CDC20B: variants seen among roughly 807,000 people sequenced by gnomAD.
CDC20B encodes cell division cycle 20B.
Under a neutral mutation model 64.1 loss-of-function variants are expected in CDC20B, and 58 were observed. The ratio of observed to expected loss-of-function variants is 0.90; its 90% CI spans 0.73 to 1.13. The LOEUF (loss-of-function observed/expected upper bound fraction) is 1.13. Among genes scored for constraint, CDC20B ranks in the 50% most tolerant of loss-of-function variants. The pLI is 0.00. For synonymous variants in CDC20B, 243 were observed against 230.6 expected (o/e 1.05, Z -0.49); for missense variants, 597 against 633.0 (o/e 0.94, Z 0.61).
Position 55,128,455 on chromosome 5 carries a change from C to A in CDC20B, c.860G>T (p.Cys287Phe). ...SSVSWIKEGTCLAVGTSEGEV... is the reference protein window; with the variant it reads ...SSVSWIKEGTFLAVGTSEGEV... ...TCCCTCGCTGGTGCCAACTGCCAGG[C>A]AAGTTCCCTCTTTTATCCAGGACAC... The change falls in exon 7 of 12, where the codon TGC becomes TTC. Residue 287 changes from cysteine to phenylalanine, a missense_variant. Cys to Phe is a radical substitution (Grantham distance 205). This residue lies in a region of CDC20B where 353 missense variants were observed against 397.0 expected (regional missense o/e 0.89). Transcript: ENST00000381375. 1 of 1,605,108 alleles carries A rather than the reference C, an allele frequency of 6.2e-7. No individual in the cohort carries two copies. Among genetic ancestry groups the A allele is most frequent in the South Asian group, 1.1e-5 (1 of 88,530 alleles).
In CDC20B at chr5:55,125,197, T is replaced by G. The variant is rs145120281; in HGVS notation, c.990-169A>C. 2.6e-3 allele frequency among the ~76,000 whole-genome samples: 397 copies of G among 152,336 alleles called. 2 individuals carry two copies. Among genetic ancestry groups the G allele is most frequent in the African/African-American group, 8.9e-3 (371 of 41,578 alleles). On this transcript the variant is annotated intron_variant, in intron 8 of 11. Coordinates refer to ENST00000381375, the MANE Select transcript of CDC20B (RefSeq NM_001170402.1). ...AGGATGGAGTGTTCTGCCTGGAGGATTCTTTTCACAAGTGAAATTGATTTG... is the reference window on the plus strand; with the variant it reads ...AGGATGGAGTGTTCTGCCTGGAGGAGTCTTTTCACAAGTGAAATTGATTTG...
chr5:55,149,893 G>A (rs543689120), intron 2 of CDC20B, among the ~76,000 whole-genome samples: 1 of 152,244 alleles, frequency 6.6e-6, no homozygotes, highest in Admixed American at 6.5e-5. Context: ...CAACACTTTG[G>A]GAGACTGAGG....
chr5:55,115,587 G>A (rs1742604127), intron 11 of CDC20B, among the ~76,000 whole-genome samples: 1 of 152,178 alleles, frequency 6.6e-6, no homozygotes, highest in Non-Finnish European at 1.5e-5. Flanking sequence ...CCTGAGGCTA[G>A]GAGAATGAGG....
At chr5:55,140,283 A>T in intron 5 of CDC20B, 31 bp downstream of exon 5, 1 of 1,364,798 alleles carries the variant, frequency 7.3e-7, no homozygotes, top group Non-Finnish European at 1.0e-6. Flanking sequence ...AGAGGAGCGC[A>T]GGAAAGAAGG....
At chr5:55,127,430 T>G (rs1216299381) in intron 7 of CDC20B, 79 bp from the exon 8 acceptor site, 2 of 1,069,520 alleles carry the variant, frequency 1.9e-6, no homozygotes, top group Non-Finnish European at 2.9e-6. Flanking sequence ...TGAGAGCCAA[T>G]TACTGCTGAT....
At chr5:55,126,236 C>T (rs1169048295) in intron 8 of CDC20B, 6 of 152,980 alleles carry the variant, frequency 3.9e-5, no homozygotes, top group Non-Finnish European at 8.7e-5. Context: ...CGCGGTGGCT[C>T]ACACCTGTAA....
intron 11 of CDC20B, among the ~76,000 whole-genome samples, chr5:55,115,918 C>T (rs144819903): frequency 3.0e-3 from 456 of 152,280 alleles, no homozygotes; most frequent in Non-Finnish European, 5.5e-3. Flanking sequence ...CACACACACG[C>T]ACCAGTAAAG....
intron 2 of CDC20B, among the ~76,000 whole-genome samples, chr5:55,154,500 G>A (rs895310799): frequency 2.0e-5 from 3 of 152,128 alleles, no homozygotes; most frequent in Admixed American, 1.3e-4. Flanking sequence ...CTGGGTGACA[G>A]AGTGAGACCG....
intron 3 of CDC20B, among the ~76,000 whole-genome samples, chr5:55,144,129 C>T (rs1482151352): frequency 1.3e-5 from 2 of 152,076 alleles, no homozygotes; most frequent in Non-Finnish European, 2.9e-5. Context: ...TTATGGGATG[C>T]TTGCTTTGCC....
intron 3 of CDC20B, among the ~76,000 whole-genome samples, chr5:55,144,145 T>C (rs886946569): frequency 3.3e-5 from 5 of 152,168 alleles, no homozygotes; most frequent in African/African-American, 9.7e-5. Context: ...TTGCCAGCAT[T>C]GACATTCACT....
chr5:55,134,095 T>C lies in CDC20B; in HGVS notation c.581-567A>G, dbSNP rs560814332. Among the ~76,000 whole-genome samples the C allele has an allele frequency of 2.0e-5, 3 of 152,338 alleles. No individual in the cohort carries two copies. In the South Asian group the frequency reaches 6.2e-4, roughly 32 times the overall value. On this transcript the variant is annotated intron_variant, in intron 5 of 11. Transcript: ENST00000381375. The stretch of plus-strand genomic sequence containing the variant: ...GTCTGCTTTTGGTTAATTTTACCCA[T>C]GACTATCTAAGGTCAGTATTCTATC...
chr5:55,159,299 G>A (rs990347154), intron 2 of CDC20B, among the ~76,000 whole-genome samples: 5 of 152,214 alleles, frequency 3.3e-5, no homozygotes, highest in Admixed American at 2.6e-4. Context: ...TTACAGGCGT[G>A]AGCCACCATG....
chr5:55,153,435 T>C (rs1043940496), intron 2 of CDC20B, among the ~76,000 whole-genome samples: 15 of 152,136 alleles, frequency 9.9e-5, no homozygotes, highest in African/African-American at 3.4e-4. Flanking sequence ...TACTTGTTAG[T>C]GATCTATGAG....
intron 5 of CDC20B, among the ~76,000 whole-genome samples, chr5:55,138,593 T>C (rs1743246841): frequency 6.6e-6 from 1 of 151,712 alleles, no homozygotes; most frequent in Middle Eastern, 3.2e-3. Context: ...CCAAAGTAAA[T>C]GGGGGGTTGG....
At chr5:55,127,537 T>G (rs927859533) in intron 7 of CDC20B, among the ~76,000 whole-genome samples, 186 bp from the exon 8 acceptor site, 4 of 152,196 alleles carry the variant, frequency 2.6e-5, no homozygotes, top group African/African-American at 9.7e-5. Flanking sequence ...TCTATAACAC[T>G]ATGGATGCTG....
Position 55,128,573 on chromosome 5 carries a change from C to A in CDC20B, c.742G>T (p.Ala248Ser). ...CAGATGTATACAGCAGAGCCCAGGG[C>A]TATGGCAACAAGATTCTGAAAACTC... ...DWSFQNLVAIALGSAVYIWNG... is the reference protein window; with the variant it reads ...DWSFQNLVAISLGSAVYIWNG... Residue 248 changes from alanine (A) to serine (S), a missense_variant, in exon 7 of 12, where the codon GCC (alanine) becomes TCC (serine). By Grantham distance (99) the Ala-to-Ser change is moderately conservative. Coordinates refer to ENST00000381375, the MANE Select transcript of CDC20B (RefSeq NM_001170402.1). 1 of 1,579,318 alleles carries A rather than the reference C, an allele frequency of 6.3e-7. No individual in the cohort carries two copies.
In CDC20B at chr5:55,119,932, C is replaced by A; in HGVS notation, c.1342-14G>T. ...TAAGGAACAAATCTGTAATAATGAT[C>A]AAAAATAGAGAATTCTTGCAATTTC... On this transcript the variant is annotated splice_polypyrimidine_tract_variant and intron_variant, in intron 10 of 11. Coordinates refer to ENST00000381375, the MANE Select transcript of CDC20B (RefSeq NM_001170402.1). 6.4e-7 allele frequency: 1 copy of A among 1,560,872 alleles called. No individual in the cohort carries two copies. The highest frequency in any genetic ancestry group is 1.1e-5 in the South Asian group (1 of 89,812).
chr5:55,146,788 C>T lies in CDC20B; in HGVS notation c.195G>A (p.Glu65=). 2 of 1,614,132 alleles carry T rather than the reference C, an allele frequency of 1.2e-6. No homozygotes were observed. Among genetic ancestry groups the T allele is most frequent in the Non-Finnish European group, 8.5e-7 (1 of 1,180,024 alleles). Residue 65 remains glutamate, a synonymous_variant, in exon 3 of 12, where the codon GAG becomes GAA. Transcript: ENST00000381375. ...KSNFAKRLSA[E]VPVASSPITT... ...TAATGGGGCTACTCGCAACAGGAAC[C>T]TCTGCGGACAGCCTCTTCGCAAAGT... is the stretch of plus-strand genomic sequence containing the variant.
intron 3 of CDC20B, among the ~76,000 whole-genome samples, chr5:55,144,905 A>G (rs1743429319): frequency 1.3e-5 from 2 of 152,216 alleles, no homozygotes; most frequent in Non-Finnish European, 2.9e-5. Context: ...CTTCTAAAAC[A>G]AAAAGAAAGA....
Sources: allele counts gnomAD v4.1 joint callset (sites outside exome capture counted in the v4.1 genomes callset), GRCh38; gene constraint gnomAD v4.1.1; regional missense constraint gnomAD v4.1.1; transcripts MANE v1.5; gene names NCBI Gene and HGNC (gene_info 2026-07-23, HGNC 2026-07-21).